Variants in SERPINA6 observed in about 807,000 individuals in gnomAD.
SERPINA6 encodes corticosteroid-binding globulin.
SERPINA6 carries 19 observed loss-of-function variants against 26.4 expected under a neutral mutation model. The observed-to-expected ratio is 0.72, with a 90% confidence interval of 0.50 to 1.06. The LOEUF is 1.06. Among genes scored for constraint, SERPINA6 ranks in the 50% least tolerant of loss-of-function variants. The probability of loss-of-function intolerance (pLI) is 0.00; values close to 1 mark genes in which losing one functional copy is unlikely to be tolerated. For synonymous variants in SERPINA6, 196 were observed against 199.4 expected (o/e 0.98, Z 0.14); for missense variants, 473 against 504.0 (o/e 0.94, Z 0.59).
intron 3 of SERPINA6, among the ~76,000 whole-genome samples, chr14:94,308,474 A>G (rs1895474904): frequency 6.6e-6 from 1 of 152,196 alleles, no homozygotes; most frequent in African/African-American, 2.4e-5. Context: ...TGAGTGAGTG[A>G]ATGAAATGCT....
chr14:94,315,733 A>C (rs914706988), intron 1 of SERPINA6, among the ~76,000 whole-genome samples: 3 of 152,354 alleles, frequency 2.0e-5, no homozygotes, highest in South Asian at 2.1e-4. Context: ...GAATTAAAAA[A>C]GTTCCAAAAG....
chr14:94,316,437 A>G (rs1595576082), intron 1 of SERPINA6, among the ~76,000 whole-genome samples: 1 of 152,216 alleles, frequency 6.6e-6, no homozygotes, highest in Non-Finnish European at 1.5e-5. Flanking sequence ...TGTTCTATCC[A>G]TTATTGAGAA....
intron 4 of SERPINA6, among the ~76,000 whole-genome samples, chr14:94,305,395 T>G (rs752633286): frequency 5.3e-5 from 8 of 152,192 alleles, no homozygotes; most frequent in Non-Finnish European, 8.8e-5. Flanking sequence ...CTGCATACCC[T>G]CCCTGAGCAG....
Position 94,304,861 on chromosome 14 carries a change from A to T in SERPINA6, c.1033-258T>A, listed in dbSNP as rs979778683. Among the ~76,000 whole-genome samples, 3 of 152,160 alleles carry T rather than the reference A, an allele frequency of 2.0e-5. No individual in the cohort carries two copies. The East Asian group carries it at 5.8e-4, about 29-fold the overall frequency. Reference sequence around the variant, plus strand: ...CCATCACATGGAGATTAGAAGTCTCATGGCTTGAACTGGGCTTCACTGTCC... The same window carrying T: ...CCATCACATGGAGATTAGAAGTCTCTTGGCTTGAACTGGGCTTCACTGTCC... On this transcript the variant is annotated intron_variant, in intron 4 of 4. Coordinates refer to ENST00000341584, the MANE Select transcript of SERPINA6 (RefSeq NM_001756.4).
At chr14:94,306,509 A>G (rs566666271) in intron 3 of SERPINA6, among the ~76,000 whole-genome samples, 3 of 152,290 alleles carry the variant, frequency 2.0e-5, no homozygotes, top group African/African-American at 7.2e-5. Flanking sequence ...TGGACCATGG[A>G]GCATTTAAGA....
At chr14:94,320,743 C>A (rs544478380) in intron 1 of SERPINA6, among the ~76,000 whole-genome samples, 21 of 152,280 alleles carry the variant, frequency 1.4e-4, no homozygotes, top group African/African-American at 5.1e-4. Flanking sequence ...CCGCAAAACC[C>A]TTAGTTCTCC....
chr14:94,314,540 G>A lies in SERPINA6; in HGVS notation c.109C>T (p.Arg37Trp), dbSNP rs201703843. 8 of 1,614,240 alleles carry A rather than the reference G, an allele frequency of 5.0e-6. No individual in the cohort carries two copies. Among genetic ancestry groups the A allele is most frequent in the East Asian group, 2.2e-5 (1 of 44,888 alleles). Reference sequence around the variant, plus strand: ...TCAACGTTGGCTGAAGCCAGGCCCCGGTGATGGTTACTCATGTTCACATAA... The same window carrying A: ...TCAACGTTGGCTGAAGCCAGGCCCCAGTGATGGTTACTCATGTTCACATAA... ...AAYVNMSNHH[R>W]GLASANVDFA... The change falls in exon 2 of 5, where the codon CGG (arginine) becomes TGG (tryptophan). Residue 37 changes from arginine (R) to tryptophan (W), a missense_variant. Transcript: ENST00000341584.
intron 1 of SERPINA6, among the ~76,000 whole-genome samples, chr14:94,315,685 C>G (rs537283582): frequency 6.6e-6 from 1 of 152,174 alleles, no homozygotes; most frequent in East Asian, 1.9e-4. Flanking sequence ...CAAAAGAGAG[C>G]AGGGGTGACT....
In SERPINA6 at chr14:94,310,286, T is replaced by C. The variant is rs1895509941; in HGVS notation, c.614-280A>G. 3.3e-5 allele frequency among the ~76,000 whole-genome samples: 5 copies of C among 152,292 alleles called. No homozygotes were observed. The South Asian group carries it at 1.0e-3, about 32-fold the overall frequency. ...CCAAGAGGGTACTGGTCCTTGGATTTGGGGGTAGGTCAGACTGTGCCTTGG... is the reference window on the plus strand; with the variant it reads ...CCAAGAGGGTACTGGTCCTTGGATTCGGGGGTAGGTCAGACTGTGCCTTGG... On this transcript the variant is annotated intron_variant, in intron 2 of 4. Coordinates refer to ENST00000341584, the MANE Select transcript of SERPINA6 (RefSeq NM_001756.4).
intron 1 of SERPINA6, among the ~76,000 whole-genome samples, chr14:94,321,166 C>T (rs1373307769): frequency 6.6e-6 from 1 of 152,186 alleles, no homozygotes; most frequent in Non-Finnish European, 1.5e-5. Flanking sequence ...TGCCTCTGCA[C>T]AGCCTCCTCA....
chr14:94,313,754 T>G (rs892873635), intron 2 of SERPINA6: 4 of 576,894 alleles, frequency 6.9e-6, no homozygotes, highest in Non-Finnish European at 9.4e-6. Flanking sequence ...TCAGCATTTG[T>G]GGAGCATGAA....
intron 2 of SERPINA6, among the ~76,000 whole-genome samples, chr14:94,311,578 C>A (rs923096293): frequency 6.6e-6 from 1 of 151,804 alleles, no homozygotes; most frequent in East Asian, 1.9e-4. Flanking sequence ...AAGGATGGCT[C>A]CTCTGGAAAA....
chr14:94,306,809 G>A (rs529908960), intron 3 of SERPINA6, among the ~76,000 whole-genome samples: 1 of 152,354 alleles, frequency 6.6e-6, no homozygotes, highest in South Asian at 2.1e-4. Flanking sequence ...TTTCTAGAAA[G>A]GTAAGTGGGG....
At position 94,314,487 on chromosome 14, in the gene SERPINA6, T is replaced by G. The variant is rs1895582370; in HGVS notation, c.162A>C (p.Leu54=). 3.1e-6 allele frequency: 5 copies of G among 1,614,166 alleles called. No individual in the cohort carries two copies. The East Asian group carries it at 1.1e-4, about 36-fold the overall frequency. Reference sequence around the variant, plus strand: ...TGTTCTTTTTGGGACTCAAGGCCACTAGGTGCTTATACAGGCTGAAGGCAA... The same window carrying G: ...TGTTCTTTTTGGGACTCAAGGCCACGAGGTGCTTATACAGGCTGAAGGCAA... ...VDFAFSLYKH[L]VALSPKKNIF... is the part of the protein sequence containing the mutation. Residue 54 remains leucine, a synonymous_variant, in exon 2 of 5, where the codon CTA becomes CTC. Transcript: ENST00000341584.
rs146176684 is a variant in SERPINA6, at chr14:94,314,576, G to A, written c.73C>T (p.Pro25Ser). Residue 25 changes from proline to serine, a missense_variant, in exon 2 of 5, where the codon CCT (proline) becomes TCT (serine). Transcript: ENST00000341584. Reference protein sequence around the residue: ...SGLWTVQAMDPNAAYVNMSNH... With the variant: ...SGLWTVQAMDSNAAYVNMSNH... ...CTCATGTTCACATAAGCAGCGTTAG[G>A]ATCCATGGCCTGGACGGTCCAGAGG... 418 of 1,614,238 alleles carry A rather than the reference G, an allele frequency of 2.6e-4. No homozygotes were observed. The highest frequency in any genetic ancestry group is 3.2e-4 in the Non-Finnish European group (379 of 1,180,044).
chr14:94,317,649 G>A (rs924904697), intron 1 of SERPINA6, among the ~76,000 whole-genome samples: 5 of 152,194 alleles, frequency 3.3e-5, no homozygotes, highest in African/African-American at 7.2e-5. Flanking sequence ...CAAGGACCCC[G>A]TGTTTAGCTG....
chr14:94,310,031 G>T lies in SERPINA6; in HGVS notation c.614-25C>A. The T allele has an allele frequency of 2.5e-6, 4 of 1,613,082 alleles. No homozygotes were observed. In the South Asian group the frequency reaches 3.3e-5, roughly 13 times the overall value. ...CCTAGGAAGAGGAGGAGACAGGTCT[G>T]TAGGGCAGAGAGGAAAACACAGTTC... On this transcript the variant is annotated intron_variant, in intron 2 of 4. Transcript: ENST00000341584.
At chr14:94,309,286 A>AT (rs1895488787) in intron 3 of SERPINA6, among the ~76,000 whole-genome samples, 1 of 148,522 alleles carries the variant, frequency 6.7e-6, no homozygotes, top group African/African-American at 2.5e-5. Context: ...CCATTCATAG[A>AT]TTTTGCATTG....
intron 4 of SERPINA6, among the ~76,000 whole-genome samples, chr14:94,304,909 C>T (rs973343624): frequency 6.6e-6 from 1 of 152,166 alleles, no homozygotes; most frequent in African/African-American, 2.4e-5. Flanking sequence ...TCTTACCATC[C>T]TGGGGTAGCG....
Sources: gnomAD v4.1 joint callset for allele counts (sites outside exome capture counted in the v4.1 genomes callset) on GRCh38, gnomAD v4.1.1 for gene constraint, MANE v1.5 for transcripts, NCBI Gene and HGNC (gene_info 2026-07-23, HGNC 2026-07-21) for gene names.